The following DLC1 variants were observed in gnomAD, a reference collection of about 807,000 sequenced individuals.
The protein encoded by DLC1 is DLC1 Rho GTPase activating protein, also known as rho GTPase-activating protein 7.
In DLC1, 54 loss-of-function variants were observed where a neutral mutation model predicts 140.3. The observed-to-expected ratio is 0.38, with a 90% confidence interval of 0.31 to 0.48. DLC1 has a LOEUF of 0.48. Among genes scored for constraint, DLC1 ranks in the 20% least tolerant of loss-of-function variants. The pLI is 0.96. For missense variants in DLC1, 2,536 were observed against 1,907.0 expected, an observed-to-expected ratio of 1.33 and a Z score of -6.14; for synonymous variants, 986 against 728.1, an observed-to-expected ratio of 1.35 and a Z score of -5.70.
At position 13,510,739 on chromosome 8, in the gene DLC1, T is replaced by C. The variant is rs114282993; in HGVS notation, c.-126+3863A>G. On this transcript the variant is annotated intron_variant, in intron 1 of 17. Transcript: ENST00000276297. ...TAGTGCTCTGTTCTCACTGGCCTCATGTAACTTTTAATTTCAAACCATTTC... is the reference window on the plus strand; with the variant it reads ...TAGTGCTCTGTTCTCACTGGCCTCACGTAACTTTTAATTTCAAACCATTTC... 6.1e-3 allele frequency among the ~76,000 whole-genome samples: 932 copies of C among 152,328 alleles called. 14 individuals are homozygous for C. Among genetic ancestry groups the C allele is most frequent in the African/African-American group, 0.022 (896 of 41,574 alleles).
intron 5 of DLC1, among the ~76,000 whole-genome samples, chr8:13,260,367 G>A (rs1250663253): frequency 6.6e-6 from 1 of 152,162 alleles, no homozygotes; most frequent in Non-Finnish European, 1.5e-5. Flanking sequence ...AAAAAGGAAA[G>A]GCAGACGCAG....
chr8:13,565,508 AT>A (rs1804395541), intron 1 of DLC1, among the ~76,000 whole-genome samples: 1 of 152,234 alleles, frequency 6.6e-6, no homozygotes, highest in Non-Finnish European at 1.5e-5. Flanking sequence ...GACTACCATT[AT>A]ATGATAAAAT....
chr8:13,586,107 G>T (rs1805299640), intron 1 of DLC1, among the ~76,000 whole-genome samples: 1 of 152,110 alleles, frequency 6.6e-6, no homozygotes, highest in Admixed American at 6.5e-5. Context: ...CTACTCATGG[G>T]CTCTCTCTGC....
At chr8:13,472,104 C>T (rs774045258) in intron 2 of DLC1, among the ~76,000 whole-genome samples, 1 of 152,206 alleles carries the variant, frequency 6.6e-6, no homozygotes, top group African/African-American at 2.4e-5. Flanking sequence ...CTACATGAGG[C>T]AGTTCCTGGA....
chr8:13,385,794 T>G (rs1304531926), intron 4 of DLC1, among the ~76,000 whole-genome samples: 3 of 152,228 alleles, frequency 2.0e-5, no homozygotes, highest in Admixed American at 6.5e-5. Flanking sequence ...TTTCAATGAC[T>G]TTAACTGTCT....
chr8:13,571,050 T>C (rs1047650137), intron 1 of DLC1, among the ~76,000 whole-genome samples: 2 of 152,190 alleles, frequency 1.3e-5, no homozygotes, highest in Non-Finnish European at 2.9e-5. Context: ...TACAACTTTA[T>C]TATTGGGTAG....
At chr8:13,454,132 C>T (rs964729234) in intron 2 of DLC1, among the ~76,000 whole-genome samples, 1 of 151,984 alleles carries the variant, frequency 6.6e-6, no homozygotes, top group African/African-American at 2.4e-5. Flanking sequence ...GGACTACGTG[C>T]AATTTGGCTT....
intron 5 of DLC1, among the ~76,000 whole-genome samples, chr8:13,225,747 C>G (rs1437159777): frequency 6.6e-6 from 1 of 151,686 alleles, no homozygotes; most frequent in Non-Finnish European, 1.5e-5. Context: ...TCCTGAGTAG[C>G]TGGGACTACA....
At chr8:13,249,270 G>C (rs748172522) in intron 5 of DLC1, among the ~76,000 whole-genome samples, 2 of 152,050 alleles carry the variant, frequency 1.3e-5, no homozygotes, top group African/African-American at 2.4e-5. Flanking sequence ...GTAGAGACGA[G>C]TTTCACCATG....
At chr8:13,295,047 G>A (rs1174762329) in intron 5 of DLC1, among the ~76,000 whole-genome samples, 1 of 152,164 alleles carries the variant, frequency 6.6e-6, no homozygotes, top group Admixed American at 6.5e-5. Context: ...CCAAGGTGCG[G>A]GGAAGATGTC....
chr8:13,275,098 G>C (rs1022855049), intron 5 of DLC1, among the ~76,000 whole-genome samples: 2 of 152,150 alleles, frequency 1.3e-5, no homozygotes, highest in African/African-American at 4.8e-5. Flanking sequence ...CTAATGGTTC[G>C]ACTTGACATT....
At chr8:13,465,021 C>T (rs1050969350) in intron 2 of DLC1, among the ~76,000 whole-genome samples, 2 of 151,958 alleles carry the variant, frequency 1.3e-5, no homozygotes, top group Non-Finnish European at 1.5e-5. Context: ...TGCATGCCAC[C>T]ATGCATAGCT....
intron 8 of DLC1, 152 bp downstream of exon 8, chr8:13,102,638 G>A (rs1819191140): frequency 2.9e-6 from 2 of 696,422 alleles, no homozygotes. Flanking sequence ...ACTACATAAG[G>A]CTATCAAGTC....
intron 5 of DLC1, among the ~76,000 whole-genome samples, chr8:13,197,639 C>A (rs925049630): frequency 2.0e-5 from 3 of 152,018 alleles, no homozygotes; most frequent in African/African-American, 7.3e-5. Context: ...AGCCAGCGTG[C>A]CAGGCCGATT....
intron 5 of DLC1, among the ~76,000 whole-genome samples, chr8:13,292,413 T>G (rs1235112012): frequency 1.3e-5 from 2 of 152,208 alleles, no homozygotes; most frequent in African/African-American, 4.8e-5. Context: ...CCCAGGTCAC[T>G]CTTTTTTAAG....
chr8:13,470,558 A>T (rs563775896), intron 2 of DLC1, among the ~76,000 whole-genome samples: 2 of 152,222 alleles, frequency 1.3e-5, no homozygotes, highest in Admixed American at 6.5e-5. Flanking sequence ...AATTAAAAGC[A>T]CAGTGAAATA....
intron 5 of DLC1, among the ~76,000 whole-genome samples, chr8:13,230,970 C>T (rs1249366504): frequency 1.3e-5 from 2 of 151,910 alleles, no homozygotes; most frequent in Admixed American, 6.6e-5. Flanking sequence ...GGGATTTAGG[C>T]GTTTGTCACT....
chr8:13,138,053 C>T (rs1249591532), intron 5 of DLC1, among the ~76,000 whole-genome samples: 2 of 152,168 alleles, frequency 1.3e-5, no homozygotes, highest in East Asian at 3.9e-4. Flanking sequence ...GGCTTTGGTT[C>T]CTACTCTATT....
chr8:13,520,813 A>G (rs1296845035), intron 1 of DLC1, among the ~76,000 whole-genome samples: 1 of 152,038 alleles, frequency 6.6e-6, no homozygotes, highest in Non-Finnish European at 1.5e-5. Context: ...ATAGAGGCTG[A>G]GGCTCTTCCT....
Sources: allele counts gnomAD v4.1 joint callset (sites outside exome capture counted in the v4.1 genomes callset), GRCh38; gene constraint gnomAD v4.1.1; transcripts MANE v1.5; gene names NCBI Gene and HGNC (gene_info 2026-07-23, HGNC 2026-07-21).